The following SPEF2 variants were observed in gnomAD, a reference collection of about 807,000 sequenced individuals.
SPEF2 encodes the protein sperm flagellar and cilia associated 2, also known as sperm flagella and cilia-associated protein 2.
SPEF2 carries 187 observed loss-of-function variants against 224.6 expected under a neutral mutation model. That is an observed-to-expected ratio of 0.83 (90% confidence interval 0.74 to 0.94). SPEF2 has a LOEUF of 0.94. SPEF2 is among the 40% of genes least tolerant of loss of function. SPEF2 has a pLI of 0.00. For synonymous variants in SPEF2, 715 were observed against 707.3 expected (o/e 1.01, Z -0.17); for missense variants, 2,170 against 2,135.6 (o/e 1.02, Z -0.32).
chr5:35,720,047 G>A lies in SPEF2; in HGVS notation c.2914+7161G>A, dbSNP rs547054288. On this transcript the variant is annotated intron_variant, in intron 20 of 36. Coordinates refer to ENST00000356031, the MANE Select transcript of SPEF2 (RefSeq NM_024867.4). Reference sequence around the variant, plus strand: ...CCTTAAAGGGAAGCATACCCTTCCAGTCAAAGCCTAGGTAAAATAACCACT... The same window carrying A: ...CCTTAAAGGGAAGCATACCCTTCCAATCAAAGCCTAGGTAAAATAACCACT... Among the ~76,000 whole-genome samples the A allele has an allele frequency of 7.2e-5, 11 of 152,296 alleles. No individual in the cohort carries two copies. In the East Asian group the frequency reaches 1.3e-3, roughly 19 times the overall value.
chr5:35,620,936 T>C (rs1743416878), intron 1 of SPEF2, among the ~76,000 whole-genome samples: 1 of 152,200 alleles, frequency 6.6e-6, no homozygotes, highest in African/African-American at 2.4e-5. Flanking sequence ...TGCGTAAGTG[T>C]AGAGGAAATT....
At chr5:35,751,390 A>G (rs1261518876) in intron 23 of SPEF2, among the ~76,000 whole-genome samples, 1 of 151,182 alleles carries the variant, frequency 6.6e-6, no homozygotes, top group African/African-American at 2.4e-5. Context: ...TGATGAGTAC[A>G]GCAAAATCTC....
chr5:35,713,941 A>G (rs1741881178), intron 20 of SPEF2, among the ~76,000 whole-genome samples: 2 of 51,080 alleles, frequency 3.9e-5, no homozygotes, highest in Non-Finnish European at 7.8e-5. Flanking sequence ...TATGTTATAT[A>G]TAGTATTATA....
chr5:35,804,973 T>A (rs1561392277), intron 34 of SPEF2, among the ~76,000 whole-genome samples: 1 of 152,146 alleles, frequency 6.6e-6, no homozygotes, highest in Non-Finnish European at 1.5e-5. Context: ...ACATCACAAC[T>A]ATGTTCATTT....
intron 26 of SPEF2, among the ~76,000 whole-genome samples, 172 bp from the exon 27 acceptor site, chr5:35,771,437 G>C (rs914126054): frequency 6.6e-6 from 1 of 152,154 alleles, no homozygotes; most frequent in Non-Finnish European, 1.5e-5. Flanking sequence ...GACAGGGCCA[G>C]GTTTCCACTT....
Position 35,618,133 on chromosome 5 carries a change from G to A in SPEF2, c.58+78G>A. 3 of 1,494,100 alleles carry A rather than the reference G, an allele frequency of 2.0e-6. No homozygotes were observed. The South Asian group carries it at 3.6e-5, about 18-fold the overall frequency. The allele number at this position is 1,494,100 out of a possible 1,614,324, so 92.6% of individuals were successfully genotyped here. On this transcript the variant is annotated intron_variant, in intron 1 of 36. Coordinates refer to ENST00000356031, the MANE Select transcript of SPEF2 (RefSeq NM_024867.4). ...CCTGCAGCGCAGCGCAGCGCACTCA[G>A]GGAAGGTGGCGGGCAGGGCGCGAGC...
At chr5:35,804,123 T>C (rs925671951) in intron 34 of SPEF2, among the ~76,000 whole-genome samples, 1 of 152,190 alleles carries the variant, frequency 6.6e-6, no homozygotes, top group African/African-American at 2.4e-5. Context: ...ACACATACAT[T>C]TCTATGCTCT....
chr5:35,798,243 G>C (rs1316999013), intron 33 of SPEF2, among the ~76,000 whole-genome samples: 1 of 152,094 alleles, frequency 6.6e-6, no homozygotes, highest in Non-Finnish European at 1.5e-5. Context: ...TTACTCAGAG[G>C]AAAGGCCCAA....
At chr5:35,661,272 ATATATATATATATAT>A (rs1749683790) in intron 8 of SPEF2, among the ~76,000 whole-genome samples, 1 of 30,916 alleles carries the variant, frequency 3.2e-5, no homozygotes, top group Non-Finnish European at 6.3e-5. Context: ...ATATATATAT[ATATATATATATATAT>A]ATATATATAT....
Position 35,784,385 on chromosome 5 carries a change from C to T in SPEF2, c.4447+5039C>T, listed in dbSNP as rs1323878176. ...CCTCGCGATCCGCCCGCCTCAGCCT[C>T]CCAAAGTGCTGGGATTACAGGCATG... On this transcript the variant is annotated intron_variant, in intron 30 of 36. Coordinates refer to ENST00000356031, the MANE Select transcript of SPEF2 (RefSeq NM_024867.4). Among the ~76,000 whole-genome samples the T allele has an allele frequency of 2.6e-5, 4 of 152,286 alleles. No homozygotes were observed. In the East Asian group the frequency reaches 7.7e-4, roughly 29 times the overall value.
chr5:35,773,949 G>C lies in SPEF2; in HGVS notation c.4006G>C (p.Ala1336Pro). ...TPVIVTTEEIAEIKRKNELRV... is the reference protein window; with the variant it reads ...TPVIVTTEEIPEIKRKNELRV... ...TGTCATAGTAACAACAGAGGAAATT[G>C]CTGAAATCAAAAGGAAAAATGAACT... The change falls in exon 28 of 37, where the codon GCT (alanine) becomes CCT (proline). Residue 1336 changes from alanine to proline, a missense_variant. By Grantham distance (27) the Ala-to-Pro change is conservative. Transcript: ENST00000356031. 6.2e-7 allele frequency: 1 copy of C among 1,613,318 alleles called. No individual in the cohort carries two copies. The highest frequency in any genetic ancestry group is 1.3e-5 in the African/African-American group (1 of 74,996).
chr5:35,680,675 T>A (rs1171236746), intron 10 of SPEF2, among the ~76,000 whole-genome samples: 1 of 152,254 alleles, frequency 6.6e-6, no homozygotes, highest in East Asian at 1.9e-4. Flanking sequence ...TAGGAGGTTA[T>A]AGGACACATT....
intron 18 of SPEF2, among the ~76,000 whole-genome samples, chr5:35,708,548 ACTC>A (rs1224599186): frequency 6.0e-3 from 4 of 664 alleles, no homozygotes; most frequent in Admixed American, 0.02. Flanking sequence ...CACCATCACC[ACTC>A]CTACCATCAC....
At chr5:35,780,702 C>A (rs1353557875) in intron 30 of SPEF2, among the ~76,000 whole-genome samples, 1 of 151,394 alleles carries the variant, frequency 6.6e-6, no homozygotes, top group Non-Finnish European at 1.5e-5. Context: ...CATTATTTTA[C>A]ACATAAAATA....
rs1749781295 is a variant in SPEF2, at chr5:35,752,265, C to G, written c.3331-1359C>G. ...GATGTAATGCACTTAACATGATGCT[C>G]AACACATAATAAATGTTTAGTGAAT... On this transcript the variant is annotated intron_variant, in intron 23 of 36. Transcript: ENST00000356031. 3.3e-5 allele frequency among the ~76,000 whole-genome samples: 5 copies of G among 152,074 alleles called. No individual in the cohort carries two copies. In the South Asian group the frequency reaches 6.3e-4, roughly 19 times the overall value.
chr5:35,814,376 T>C (rs940214987), intron 36 of SPEF2, 88 bp from the exon 37 acceptor site: 11 of 628,974 alleles, frequency 1.7e-5, no homozygotes, highest in Non-Finnish European at 2.5e-5. Flanking sequence ...TGCCATGTAC[T>C]ATGTGATCAT....
chr5:35,654,461 G>A, intron 6 of SPEF2, 79 bp from the exon 7 acceptor site: 1 of 1,175,912 alleles, frequency 8.5e-7, no homozygotes, highest in Non-Finnish European at 1.2e-6. Context: ...TTCTCCTGAG[G>A]TCTTTCTCCA....
chr5:35,695,799 A>G lies in SPEF2; in HGVS notation c.2037+3A>G. On this transcript the variant is annotated splice_donor_region_variant and intron_variant, in intron 14 of 36. Transcript: ENST00000356031. ...AATCAAGTGATAGTTTCTTAAAAGT[A>G]AGTATTATGATCTAATTTTAGCTAC... 1 of 1,599,234 alleles carries G rather than the reference A, an allele frequency of 6.3e-7. No individual in the cohort carries two copies.
intron 23 of SPEF2, among the ~76,000 whole-genome samples, chr5:35,750,980 G>A (rs1749310125): frequency 1.7e-5 from 1 of 59,620 alleles, no homozygotes; most frequent in Non-Finnish European, 3.8e-5. Flanking sequence ...TAAAGAAACT[G>A]TGCTATATAT....
Sources: gnomAD v4.1 joint callset for allele counts (sites outside exome capture counted in the v4.1 genomes callset) on GRCh38, gnomAD v4.1.1 for gene constraint, MANE v1.5 for transcripts, NCBI Gene and HGNC (gene_info 2026-07-23, HGNC 2026-07-21) for gene names.